NCOA6: variants seen among roughly 807,000 people sequenced by gnomAD.
The protein encoded by NCOA6 is nuclear receptor coactivator 6.
Under a neutral mutation model 171.4 loss-of-function variants are expected in NCOA6, and 49 were observed. That is an observed-to-expected ratio of 0.29 (90% CI 0.23 to 0.36). The LOEUF is 0.36. Among genes scored for constraint, NCOA6 ranks in the 10% least tolerant of loss-of-function variants. The pLI is 1.00. For synonymous variants in NCOA6, 910 were observed against 927.5 expected, an observed-to-expected ratio of 0.98 and a Z score of 0.34; for missense variants, 2,248 against 2,554.5, an observed-to-expected ratio of 0.88 and a Z score of 2.59.
At chr20:34,746,016 ATTCTTTATATC>A (rs1412730911) in intron 10 of NCOA6, among the ~76,000 whole-genome samples, 1 of 152,066 alleles carries the variant, frequency 6.6e-6, no homozygotes, top group African/African-American at 2.4e-5. Flanking sequence ...TGTCTCTTTT[ATTCTTTATATC>A]TTCTTTATAT....
intron 2 of NCOA6, among the ~76,000 whole-genome samples, chr20:34,784,536 T>C (rs2077608221): frequency 6.6e-6 from 1 of 152,146 alleles, no homozygotes; most frequent in African/African-American, 2.4e-5. Context: ...AATTTTTCTT[T>C]TTTAAATAGT....
At chr20:34,809,755 T>C (rs2078589933) in intron 1 of NCOA6, among the ~76,000 whole-genome samples, 1 of 152,106 alleles carries the variant, frequency 6.6e-6, no homozygotes, top group African/African-American at 2.4e-5. Flanking sequence ...TCACCTGAGG[T>C]AAGGAGTTCG....
At position 34,749,891 on chromosome 20, in the gene NCOA6, G is replaced by A. The variant is rs557584972; in HGVS notation, c.2304C>T (p.Pro768=). ...GACTGTTGTTCACAGGCCCTTGCTG[G>A]GGCAGCATCTGTCCTGACATCTGTC... is the stretch of plus-strand genomic sequence containing the variant. The part of the protein sequence containing the change: ...FTGQMSGQML[P]QQGPVNNSPS... Residue 768 remains proline, a synonymous_variant, in exon 9 of 15, where the codon CCC becomes CCT. Coordinates refer to ENST00000359003, the MANE Select transcript of NCOA6 (RefSeq NM_014071.5). The A allele has an allele frequency of 1.9e-6, 3 of 1,614,216 alleles. No individual in the cohort carries two copies. The highest frequency in any genetic ancestry group is 1.7e-6 in the Non-Finnish European group (2 of 1,180,046).
intron 2 of NCOA6, among the ~76,000 whole-genome samples, chr20:34,788,869 G>A (rs1784819135): frequency 1.3e-5 from 2 of 152,194 alleles, no homozygotes; most frequent in Non-Finnish European, 2.9e-5. Context: ...ACTTGAACCT[G>A]GGAGGCCGAG....
chr20:34,795,780 A>T (rs1013468133), intron 1 of NCOA6, among the ~76,000 whole-genome samples: 19 of 152,104 alleles, frequency 1.2e-4, no homozygotes, highest in African/African-American at 4.3e-4. Context: ...CATTATTTTT[A>T]ATTTTCTTGG....
At position 34,742,083 on chromosome 20, in the gene NCOA6, A is replaced by C; in HGVS notation, c.4173T>G (p.Pro1391=). The C allele has an allele frequency of 6.2e-7, 1 of 1,614,194 alleles. No individual in the cohort carries two copies. The highest frequency in any genetic ancestry group is 8.5e-7 in the Non-Finnish European group (1 of 1,180,028). Residue 1391 remains proline (P), a synonymous_variant, in exon 11 of 15, where the codon CCT becomes CCG. Coordinates refer to ENST00000359003, the MANE Select transcript of NCOA6 (RefSeq NM_014071.5). ...LANPPVPGSF[P]NNSGLNPQNS... ...TCTGAGGATTCAGCCCACTGTTGTT[A>C]GGAAAGCTCCCAGGTACAGGGGGAT...
At chr20:34,719,568 T>C (rs1380177430) in intron 14 of NCOA6, among the ~76,000 whole-genome samples, 1 of 151,582 alleles carries the variant, frequency 6.6e-6, no homozygotes, top group Admixed American at 6.6e-5. Context: ...GAGGCAGAGG[T>C]TGCAGTGAGT....
At position 34,762,222 on chromosome 20, in the gene NCOA6, A is replaced by G. The variant is rs182708170; in HGVS notation, c.515-3289T>C. 3.9e-5 allele frequency among the ~76,000 whole-genome samples: 6 copies of G among 152,148 alleles called. No homozygotes were observed. The East Asian group carries it at 1.2e-3, about 29-fold the overall frequency. ...ACCTTCAGTGATGCTGTTTATTTTA[A>G]TGTCTGCTTTATCTGGTAAAAATAT... is the stretch of plus-strand genomic sequence containing the variant. On this transcript the variant is annotated intron_variant, in intron 5 of 14. Transcript: ENST00000359003.
chr20:34,723,238 G>A (rs1989588538), intron 14 of NCOA6, among the ~76,000 whole-genome samples: 1 of 152,152 alleles, frequency 6.6e-6, no homozygotes, highest in Non-Finnish European at 1.5e-5. Flanking sequence ...CCTCAAACCT[G>A]TGGATCTGAT....
At chr20:34,777,512 G>A (rs1326570530) in intron 3 of NCOA6, among the ~76,000 whole-genome samples, 2 of 152,154 alleles carry the variant, frequency 1.3e-5, no homozygotes, top group East Asian at 3.9e-4. Flanking sequence ...CTACTCAGGA[G>A]GCTGAGGCCA....
chr20:34,761,370 C>A (rs1489175054), intron 5 of NCOA6, among the ~76,000 whole-genome samples: 2 of 151,946 alleles, frequency 1.3e-5, no homozygotes, highest in African/African-American at 4.8e-5. Context: ...TCTCATAATT[C>A]CATTCTAAAT....
chr20:34,725,071 G>T (rs1374344885), intron 14 of NCOA6, among the ~76,000 whole-genome samples: 1 of 152,216 alleles, frequency 6.6e-6, no homozygotes, highest in Non-Finnish European at 1.5e-5. Flanking sequence ...TTACAGGCGT[G>T]AGCCACTGCA....
chr20:34,723,151 T>C (rs1425081357), intron 14 of NCOA6, among the ~76,000 whole-genome samples: 1 of 152,242 alleles, frequency 6.6e-6, no homozygotes, highest in Non-Finnish European at 1.5e-5. Context: ...TTTAGCCAGC[T>C]AGTCAGAAGC....
intron 2 of NCOA6, among the ~76,000 whole-genome samples, chr20:34,792,082 T>C (rs1012656902): frequency 1.3e-5 from 2 of 152,206 alleles, no homozygotes; most frequent in African/African-American, 4.8e-5. Context: ...AAACTAGAGT[T>C]ATGTTGAGTT....
intron 10 of NCOA6, among the ~76,000 whole-genome samples, chr20:34,745,858 T>G (rs1379618039): frequency 6.6e-6 from 1 of 152,202 alleles, no homozygotes; most frequent in Admixed American, 6.5e-5. Context: ...TTGAATGAAT[T>G]AATTTTAGGA....
At chr20:34,754,951 C>G in intron 7 of NCOA6, 83 bp from the exon 8 acceptor site, 1 of 1,426,066 alleles carries the variant, frequency 7.0e-7, no homozygotes, top group African/African-American at 1.4e-5. Context: ...GAAGGATGAG[C>G]TGCATGAAGT....
chr20:34,792,028 A>AT (rs2146332363), intron 2 of NCOA6, among the ~76,000 whole-genome samples: 1 of 152,136 alleles, frequency 6.6e-6, no homozygotes, highest in Non-Finnish European at 1.5e-5. Context: ...AAACAGTCTA[A>AT]TTTTTTCTGG....
chr20:34,775,377 C>A (rs1219155947), intron 4 of NCOA6, among the ~76,000 whole-genome samples: 1 of 151,804 alleles, frequency 6.6e-6, no homozygotes, highest in Admixed American at 6.6e-5. Context: ...TGAAAAAGAT[C>A]ATTCTGGTAA....
intron 1 of NCOA6, chr20:34,821,776 A>G (rs915408146): frequency 6.6e-6 from 1 of 152,048 alleles, no homozygotes; most frequent in Non-Finnish European, 1.5e-5. Context: ...TTTAGTAGAG[A>G]TGGGGTTTCA....
Sources: allele counts gnomAD v4.1 joint callset (sites outside exome capture counted in the v4.1 genomes callset), GRCh38; gene constraint gnomAD v4.1.1; transcripts MANE v1.5; gene names NCBI Gene and HGNC (gene_info 2026-07-23, HGNC 2026-07-21).